Variants in PLXDC2 observed in about 807,000 individuals in gnomAD.
PLXDC2 encodes the protein plexin domain containing 2, also known as plexin domain-containing protein 2.
A neutral mutation model predicts 68.9 loss-of-function variants in PLXDC2; 40 were observed. The ratio of observed to expected loss-of-function variants is 0.58; its 90% CI spans 0.45 to 0.76. PLXDC2 has a LOEUF of 0.76. Among genes scored for constraint, PLXDC2 ranks in the 30% least tolerant of loss-of-function variants. PLXDC2 has a pLI of 0.00. For synonymous variants in PLXDC2, 243 were observed against 234.2 expected (o/e 1.04, Z -0.34); for missense variants, 644 against 661.9 (o/e 0.97, Z 0.30).
intron 1 of PLXDC2, among the ~76,000 whole-genome samples, chr10:19,950,053 A>G (rs996172851): frequency 6.6e-6 from 1 of 152,180 alleles, no homozygotes; most frequent in African/African-American, 2.4e-5. Flanking sequence ...ATCCACACCT[A>G]ATATCATACT....
intron 13 of PLXDC2, among the ~76,000 whole-genome samples, chr10:20,256,471 T>C (rs1181717548): frequency 6.6e-6 from 1 of 152,172 alleles, no homozygotes; most frequent in Non-Finnish European, 1.5e-5. Flanking sequence ...GCACCAAATG[T>C]GATTCTTGGG....
intron 3 of PLXDC2, among the ~76,000 whole-genome samples, chr10:20,063,644 A>G (rs1190282485): frequency 6.6e-6 from 1 of 151,982 alleles, no homozygotes; most frequent in Non-Finnish European, 1.5e-5. Context: ...AGCAATTAAC[A>G]TAGGAAAAAT....
chr10:20,144,300 A>G (rs1834045175), intron 5 of PLXDC2, among the ~76,000 whole-genome samples: 1 of 152,146 alleles, frequency 6.6e-6, no homozygotes, highest in South Asian at 2.1e-4. Context: ...CTGATGATCA[A>G]GGAAGAAATT....
At chr10:20,021,507 T>C (rs971355410) in intron 2 of PLXDC2, among the ~76,000 whole-genome samples, 1 of 151,888 alleles carries the variant, frequency 6.6e-6, no homozygotes, top group Non-Finnish European at 1.5e-5. Context: ...GTTTTACAAT[T>C]CTTAGCCAAA....
intron 10 of PLXDC2, among the ~76,000 whole-genome samples, chr10:20,215,921 T>C (rs967781123): frequency 3.9e-5 from 6 of 151,964 alleles, no homozygotes; most frequent in African/African-American, 1.2e-4. Flanking sequence ...CTGAGCATAA[T>C]GGGAGAGGTG....
At chr10:19,899,444 A>G (rs1589526303) in intron 1 of PLXDC2, among the ~76,000 whole-genome samples, 1 of 152,154 alleles carries the variant, frequency 6.6e-6, no homozygotes, top group East Asian at 1.9e-4. Flanking sequence ...TAAATTACCA[A>G]CTGTTGCCTA....
At chr10:20,271,664 G>A (rs1168693292) in intron 13 of PLXDC2, among the ~76,000 whole-genome samples, 1 of 152,102 alleles carries the variant, frequency 6.6e-6, no homozygotes, top group Non-Finnish European at 1.5e-5. Context: ...TCAGATAAAG[G>A]AGAGAACAGA....
chr10:19,956,785 A>G (rs1351831770), intron 1 of PLXDC2, among the ~76,000 whole-genome samples: 1 of 152,166 alleles, frequency 6.6e-6, no homozygotes, highest in African/African-American at 2.4e-5. Context: ...CGTTGTCTAA[A>G]ACTTTTGATT....
chr10:19,882,013 G>T (rs1372980140), intron 1 of PLXDC2, among the ~76,000 whole-genome samples: 1 of 152,168 alleles, frequency 6.6e-6, no homozygotes, highest in African/African-American at 2.4e-5. Flanking sequence ...TTGACTGCTG[G>T]TTCCAGCTCA....
chr10:20,004,207 GTA>G (rs1461108339), intron 2 of PLXDC2, among the ~76,000 whole-genome samples: 11 of 152,204 alleles, frequency 7.2e-5, no homozygotes, highest in African/African-American at 2.7e-4. Flanking sequence ...TGGGAATTCA[GTA>G]TATTTGAAAA....
At chr10:20,247,387 G>C (rs546130719) in intron 13 of PLXDC2, among the ~76,000 whole-genome samples, 1 of 151,812 alleles carries the variant, frequency 6.6e-6, no homozygotes, top group African/African-American at 2.4e-5. Context: ...TGAAATGGTA[G>C]GATTGCTTGA....
chr10:19,974,565 A>G (rs1834416044), intron 1 of PLXDC2, among the ~76,000 whole-genome samples: 1 of 152,176 alleles, frequency 6.6e-6, no homozygotes, highest in Non-Finnish European at 1.5e-5. Flanking sequence ...TGGGGAGAAA[A>G]ACTTTCATGG....
chr10:20,154,997 G>A (rs1404249948), intron 6 of PLXDC2, among the ~76,000 whole-genome samples: 1 of 151,894 alleles, frequency 6.6e-6, no homozygotes, highest in Non-Finnish European at 1.5e-5. Context: ...TTTTAGAGGA[G>A]GTCAATATAG....
intron 1 of PLXDC2, among the ~76,000 whole-genome samples, chr10:19,936,577 G>A (rs1036381410): frequency 1.3e-5 from 2 of 152,166 alleles, no homozygotes. Context: ...ATGTTTGTGA[G>A]CTTTATCTAC....
chr10:20,162,208 A>G (rs532682565), intron 6 of PLXDC2, among the ~76,000 whole-genome samples: 8 of 152,296 alleles, frequency 5.3e-5, no homozygotes, highest in Admixed American at 5.2e-4. Flanking sequence ...GGTGGAATGC[A>G]TAATCTGGAG....
chr10:20,044,496 G>C (rs528273801), intron 2 of PLXDC2, among the ~76,000 whole-genome samples: 1 of 151,682 alleles, frequency 6.6e-6, no homozygotes, highest in Non-Finnish European at 1.5e-5. Context: ...TTATAGCGGA[G>C]ACGGGGTTTC....
chr10:20,152,384 ATTAAG>A (rs1834163723), intron 6 of PLXDC2, among the ~76,000 whole-genome samples: 1 of 152,064 alleles, frequency 6.6e-6, no homozygotes, highest in Non-Finnish European at 1.5e-5. Flanking sequence ...CCCTTAAGTA[ATTAAG>A]TTATTTTTCC....
rs559614710 is a variant in PLXDC2 at position 20,235,595 on chromosome 10, G to T, written c.1313-9750G>T. Among the ~76,000 whole-genome samples, 38 of 152,202 alleles carry T rather than the reference G, an allele frequency of 2.5e-4. No homozygotes were observed. In the East Asian group the frequency reaches 7.0e-3, roughly 28 times the overall value. On this transcript the variant is annotated intron_variant, in intron 12 of 13. Coordinates refer to ENST00000377252, the MANE Select transcript of PLXDC2 (RefSeq NM_032812.9). ...AAGAAGACAGGATTGAAAAGATGCCGCTCCTTTAGGTCCAGCAGTGTGAGA... is the reference window on the plus strand; with the variant it reads ...AAGAAGACAGGATTGAAAAGATGCCTCTCCTTTAGGTCCAGCAGTGTGAGA...
chr10:19,954,085 A>G (rs898348554), intron 1 of PLXDC2, among the ~76,000 whole-genome samples: 1 of 152,026 alleles, frequency 6.6e-6, no homozygotes, highest in African/African-American at 2.4e-5. Context: ...CAGGAGGTAG[A>G]CACTGGAATA....
Sources: gnomAD v4.1 joint callset for allele counts (sites outside exome capture counted in the v4.1 genomes callset) on GRCh38, gnomAD v4.1.1 for gene constraint, MANE v1.5 for transcripts, NCBI Gene and HGNC (gene_info 2026-07-23, HGNC 2026-07-21) for gene names.